LOC728392: variants seen among roughly 807,000 people sequenced by gnomAD.
the LOC728392 span, chr17:5,500,339 G>A: frequency 1.9e-6 from 2 of 1,048,726 alleles, no homozygotes; most frequent in Non-Finnish European, 2.3e-6. This position sits in a 1 kb window ranked among gnomAD's most constrained non-coding sequence, Gnocchi z 5.4. Context: ...TTATAAACGG[G>A]GCTCAATCAC....
chr17:5,500,006 C>A, the LOC728392 span: 2 of 985,942 alleles, frequency 2.0e-6, no homozygotes, highest in Non-Finnish European at 2.4e-6. This position sits in a 1 kb window ranked among gnomAD's most constrained non-coding sequence, Gnocchi z 5.4. Flanking sequence ...GGGCGCAGCA[C>A]GACACCCCGA....
the LOC728392 span, chr17:5,499,711 C>A: frequency 1.0e-6 from 1 of 956,748 alleles, no homozygotes; most frequent in Non-Finnish European, 1.2e-6. Flanking sequence ...TCTCACAGCT[C>A]CAGAAGTGAG....
At chr17:5,499,788 C>T in the LOC728392 span, 25 of 985,822 alleles carry the variant, frequency 2.5e-5, no homozygotes, top group Non-Finnish European at 2.7e-5. Context: ...GGCTAGGGCC[C>T]CCAGAGTCTC....
At chr17:5,499,931 C>T in the LOC728392 span, 1 of 985,990 alleles carries the variant, frequency 1.0e-6, no homozygotes, top group African/African-American at 1.7e-5. Flanking sequence ...CTCGACTCCT[C>T]CGGGCAGCGA....
the LOC728392 span, chr17:5,500,477 A>T: frequency 8.7e-7 from 1 of 1,152,152 alleles, no homozygotes; most frequent in Admixed American, 5.5e-5. This position sits in a 1 kb window ranked among gnomAD's most constrained non-coding sequence, Gnocchi z 5.4. Context: ...ACGGAAAGAA[A>T]CAAGCATCGA....
At chr17:5,500,819 C>G in the LOC728392 span, 19 of 1,176,594 alleles carry the variant, frequency 1.6e-5, no homozygotes, top group Non-Finnish European at 2.0e-5. This position sits in a 1 kb window ranked among gnomAD's most constrained non-coding sequence, Gnocchi z 5.4. Flanking sequence ...CCTTCTTGCC[C>G]GCGGCCGACG....
chr17:5,500,770 C>T, the LOC728392 span: 2 of 1,201,740 alleles, frequency 1.7e-6, no homozygotes, highest in Non-Finnish European at 2.1e-6. This position sits in a 1 kb window ranked among gnomAD's most constrained non-coding sequence, Gnocchi z 5.4. Context: ...GGCTGCCCGG[C>T]GCGGCCCCCC....
the LOC728392 span, chr17:5,499,654 C>T: frequency 1.7e-6 from 1 of 600,592 alleles, no homozygotes; most frequent in Non-Finnish European, 2.1e-6. Flanking sequence ...GGTTTTCCCG[C>T]ACGAACTCTT....
chr17:5,500,082 C>T, the LOC728392 span: 4 of 986,170 alleles, frequency 4.1e-6, no homozygotes, highest in South Asian at 1.4e-4. This position sits in a 1 kb window ranked among gnomAD's most constrained non-coding sequence, Gnocchi z 5.4. Context: ...CTCTCTCGGC[C>T]GCGCCAACTC....
At chr17:5,500,736 G>T in the LOC728392 span, 15 of 1,238,156 alleles carry the variant, frequency 1.2e-5, no homozygotes, top group African/African-American at 9.8e-5. This position sits in a 1 kb window ranked among gnomAD's most constrained non-coding sequence, Gnocchi z 5.4. Context: ...CTTCTTGGGC[G>T]GGGGGCGCGA....
chr17:5,500,160 G>T, the LOC728392 span: 4 of 986,454 alleles, frequency 4.1e-6, no homozygotes, highest in African/African-American at 7.0e-5. The surrounding 1 kb of genome is among the most constrained non-coding windows in gnomAD (Gnocchi z 5.4). Flanking sequence ...CCGGGCCAGG[G>T]CGCCGACCCT....
At chr17:5,500,093 T>G in the LOC728392 span, 1 of 986,102 alleles carries the variant, frequency 1.0e-6, no homozygotes, top group East Asian at 1.1e-4. The surrounding 1 kb of genome is among the most constrained non-coding windows in gnomAD (Gnocchi z 5.4). Flanking sequence ...GCGCCAACTC[T>G]GGGGCACAGC....
the LOC728392 span, chr17:5,500,549 T>C: frequency 2.5e-6 from 3 of 1,205,872 alleles, no homozygotes; most frequent in Non-Finnish European, 3.2e-6. The surrounding 1 kb of genome is among the most constrained non-coding windows in gnomAD (Gnocchi z 5.4). Flanking sequence ...CCGTTTTCCC[T>C]TTCCCTCCCC....
At chr17:5,500,119 G>A in the LOC728392 span, 3 of 986,628 alleles carry the variant, frequency 3.0e-6, no homozygotes, top group East Asian at 1.1e-4. This position sits in a 1 kb window ranked among gnomAD's most constrained non-coding sequence, Gnocchi z 5.4. Context: ...CCTCCTGGGG[G>A]CGATGCAGCA....
At chr17:5,499,869 G>C in the LOC728392 span, 11 of 985,746 alleles carry the variant, frequency 1.1e-5, no homozygotes, top group Non-Finnish European at 1.3e-5. Context: ...CGCGAGTCCC[G>C]GACACTTCCA....
the LOC728392 span, chr17:5,499,656 C>T: frequency 3.2e-6 from 2 of 623,998 alleles, no homozygotes; most frequent in East Asian, 1.4e-4. Flanking sequence ...TTTTCCCGCA[C>T]GAACTCTTGT....
chr17:5,500,864 C>A, the LOC728392 span: 1 of 1,240,778 alleles, frequency 8.1e-7, no homozygotes, highest in Non-Finnish European at 1.0e-6. This position sits in a 1 kb window ranked among gnomAD's most constrained non-coding sequence, Gnocchi z 5.4. Context: ...GAGGGTCTTC[C>A]GGGGGAGGCT....
chr17:5,499,892 C>T, the LOC728392 span: 1 of 985,656 alleles, frequency 1.0e-6, no homozygotes, highest in Non-Finnish European at 1.2e-6. Flanking sequence ...ACGTGGTCTC[C>T]TGGTGAGACA....
chr17:5,500,288 C>A, the LOC728392 span: 54 of 999,330 alleles, frequency 5.4e-5, no homozygotes, highest in Non-Finnish European at 5.6e-5. The surrounding 1 kb of genome is among the most constrained non-coding windows in gnomAD (Gnocchi z 5.4). Flanking sequence ...CCTGCGCGTG[C>A]CCCCACGTCA....
Sources: gnomAD v4.1 joint callset for allele counts on GRCh38, gnomAD v4.1.1 for gene constraint, Gnocchi (gnomAD v3.1) non-coding constraint, MANE v1.5 for transcripts.